Variants in IL1RAPL2 observed in about 807,000 individuals in gnomAD.
IL1RAPL2 encodes the protein interleukin 1 receptor accessory protein like 2.
Under a neutral mutation model 44.1 loss-of-function variants are expected in IL1RAPL2, and 3 were observed. That is an observed-to-expected ratio of 0.07 (90% CI 0.03 to 0.18). IL1RAPL2 has a LOEUF of 0.18. Ranked by LOEUF, IL1RAPL2 falls within the 10% of genes least tolerant of loss-of-function variation. IL1RAPL2 has a pLI of 1.00. For synonymous variants in IL1RAPL2, 181 were observed against 178.8 expected, an observed-to-expected ratio of 1.01 and a Z score of -0.10; for missense variants, 391 against 496.4, an observed-to-expected ratio of 0.79 and a Z score of 2.02.
intron 5 of IL1RAPL2, among the ~76,000 whole-genome samples, chrX:105,339,326 G>T: frequency 3.9e-5 from 1 of 25,410 alleles, no homozygotes; most frequent in South Asian, 1.8e-3. Flanking sequence ...ATAGGGAATC[G>T]TGTATGAATA....
chrX:105,351,444 G>A (rs1402290370), intron 5 of IL1RAPL2, among the ~76,000 whole-genome samples: 2 of 111,769 alleles, frequency 1.8e-5, no homozygotes, highest in Non-Finnish European at 3.8e-5. Context: ...GCAATGCTAT[G>A]CAGCTGTATA....
At chrX:105,077,843 G>A (rs2032334089) in intron 2 of IL1RAPL2, among the ~76,000 whole-genome samples, 1 of 111,908 alleles carries the variant, frequency 8.9e-6, no homozygotes. Flanking sequence ...AGTTACTGAG[G>A]CTTGTGCATT....
chrX:105,142,675 C>T (rs1430680787), intron 2 of IL1RAPL2, among the ~76,000 whole-genome samples: 2 of 108,534 alleles, frequency 1.8e-5, no homozygotes, highest in African/African-American at 6.8e-5. Flanking sequence ...ATGCACGTAA[C>T]ATGCAGGTTT....
At chrX:105,382,756 G>A (rs2035444225) in intron 5 of IL1RAPL2, among the ~76,000 whole-genome samples, 1 of 88,885 alleles carries the variant, frequency 1.1e-5, no homozygotes, top group African/African-American at 1.0e-4. Flanking sequence ...TTAAGAAAAT[G>A]TGCACATAAA....
At chrX:104,732,470 A>G (rs1931938339) in intron 2 of IL1RAPL2, among the ~76,000 whole-genome samples, 1 of 112,077 alleles carries the variant, frequency 8.9e-6, no homozygotes, top group Non-Finnish European at 1.9e-5. Flanking sequence ...AAATTTAAAA[A>G]CACAGTAACA....
intron 2 of IL1RAPL2, among the ~76,000 whole-genome samples, chrX:104,755,511 T>C (rs900254538): frequency 9.1e-6 from 1 of 110,445 alleles, no homozygotes; most frequent in Non-Finnish European, 1.9e-5. Flanking sequence ...CATGTACCCC[T>C]GAACCTAAAA....
At chrX:105,454,819 A>G (rs369573630) in intron 5 of IL1RAPL2, among the ~76,000 whole-genome samples, 18 of 110,577 alleles carry the variant, frequency 1.6e-4, no homozygotes, top group East Asian at 5.8e-4. Context: ...CTGGTGCCCT[A>G]CCCCCAAGTA....
intron 2 of IL1RAPL2, among the ~76,000 whole-genome samples, chrX:104,947,195 T>C (rs1488082353): frequency 1.8e-5 from 2 of 112,175 alleles, no homozygotes; most frequent in African/African-American, 6.5e-5. Flanking sequence ...CATGTGTTTT[T>C]TGGCTGCATA....
intron 2 of IL1RAPL2, among the ~76,000 whole-genome samples, chrX:104,720,415 CAT>C (rs748050404): frequency 2.9e-4 from 32 of 111,697 alleles, no homozygotes; most frequent in African/African-American, 8.7e-4. Flanking sequence ...TATACATAAA[CAT>C]ATTTATTAAA....
chrX:105,266,001 A>T (rs978778600), intron 4 of IL1RAPL2, among the ~76,000 whole-genome samples: 1 of 110,808 alleles, frequency 9.0e-6, no homozygotes, highest in Non-Finnish European at 1.9e-5. Flanking sequence ...CCTCAAAATC[A>T]ATTTATTTAT....
intron 2 of IL1RAPL2, among the ~76,000 whole-genome samples, chrX:105,063,087 T>C (rs2032095063): frequency 9.0e-6 from 1 of 111,346 alleles, no homozygotes; most frequent in Admixed American, 9.6e-5. Context: ...CTTTTGAGGT[T>C]ATTTTCTAGA....
intron 6 of IL1RAPL2, among the ~76,000 whole-genome samples, chrX:105,689,639 C>A (rs1437553073): frequency 8.9e-6 from 1 of 111,950 alleles, no homozygotes; most frequent in African/African-American, 3.3e-5. Flanking sequence ...ACTAGTTCAA[C>A]CATTGTGGAA....
intron 2 of IL1RAPL2, among the ~76,000 whole-genome samples, chrX:105,064,370 T>C (rs2032111516): frequency 8.9e-6 from 1 of 112,410 alleles, no homozygotes; most frequent in Non-Finnish European, 1.9e-5. Flanking sequence ...ACAAATGTTC[T>C]TTCCATATTA....
intron 2 of IL1RAPL2, among the ~76,000 whole-genome samples, chrX:104,807,799 C>CT (rs1012286496): frequency 1.9e-4 from 21 of 109,965 alleles, no homozygotes; most frequent in East Asian, 5.7e-4. Flanking sequence ...GTCTCTGTAT[C>CT]TTTTTTTTTA....
chrX:105,041,264 T>G (rs1479549201), intron 2 of IL1RAPL2, among the ~76,000 whole-genome samples: 2 of 111,390 alleles, frequency 1.8e-5, no homozygotes, highest in Non-Finnish European at 3.8e-5. Context: ...TAATTTCTGT[T>G]CTTTTACATT....
At chrX:105,213,668 C>T (rs782519449) in intron 3 of IL1RAPL2, among the ~76,000 whole-genome samples, 4 of 110,658 alleles carry the variant, frequency 3.6e-5, no homozygotes, top group African/African-American at 6.6e-5. Context: ...CCACAAGACA[C>T]ATAATCGTCA....
At chrX:104,949,472 G>A (rs1438497963) in intron 2 of IL1RAPL2, among the ~76,000 whole-genome samples, 3 of 105,861 alleles carry the variant, frequency 2.8e-5, no homozygotes, top group Non-Finnish European at 5.9e-5. Context: ...TTTTGAATGT[G>A]TTTGCTCTTG....
intron 2 of IL1RAPL2, among the ~76,000 whole-genome samples, chrX:105,183,512 G>A (rs1556132100): frequency 9.0e-6 from 1 of 111,547 alleles, no homozygotes; most frequent in Non-Finnish European, 1.9e-5. Context: ...AGGAGTCACA[G>A]GTGTGGTGGC....
intron 7 of IL1RAPL2, among the ~76,000 whole-genome samples, chrX:105,719,091 C>A (rs1217215660): frequency 2.7e-5 from 3 of 111,818 alleles, no homozygotes; most frequent in Non-Finnish European, 5.6e-5. Context: ...AAAACTGGTC[C>A]ATGAATGTTC....
Sources: gnomAD v4.1 joint callset for allele counts (sites outside exome capture counted in the v4.1 genomes callset) on GRCh38, gnomAD v4.1.1 for gene constraint, MANE v1.5 for transcripts, NCBI Gene and HGNC (gene_info 2026-07-23, HGNC 2026-07-21) for gene names.